AFG2A: variants seen among roughly 807,000 people sequenced by gnomAD.
AFG2A encodes the protein ATPase family gene 2 protein homolog A.
the AFG2A span, among the ~76,000 whole-genome samples, chr4:122,962,834 A>G: frequency 6.6e-6 from 1 of 152,130 alleles, no homozygotes; most frequent in South Asian, 2.1e-4. Flanking sequence ...AACTACTTTC[A>G]CTGCTATACC....
the AFG2A span, among the ~76,000 whole-genome samples, chr4:123,058,034 G>A: frequency 6.6e-6 from 1 of 152,166 alleles, no homozygotes; most frequent in Non-Finnish European, 1.5e-5. Context: ...TAGTAAGTGT[G>A]ATATGAAACA....
chr4:123,290,792 G>T, the AFG2A span, among the ~76,000 whole-genome samples: 1 of 152,218 alleles, frequency 6.6e-6, no homozygotes, highest in South Asian at 2.1e-4. Context: ...ACCTCCCACC[G>T]GGTTCCTCCC....
chr4:123,254,880 C>T, the AFG2A span, among the ~76,000 whole-genome samples: 2 of 152,078 alleles, frequency 1.3e-5, no homozygotes, highest in African/African-American at 4.8e-5. Context: ...TAGAACTATT[C>T]TTTTATTAGA....
At chr4:123,216,640 G>A in the AFG2A span, among the ~76,000 whole-genome samples, 2 of 150,182 alleles carry the variant, frequency 1.3e-5, no homozygotes, top group Non-Finnish European at 3.0e-5. Flanking sequence ...ACTGCTAACA[G>A]AGCCATCACG....
At chr4:123,075,988 C>CAA in the AFG2A span, among the ~76,000 whole-genome samples, 6 of 134,148 alleles carry the variant, frequency 4.5e-5, no homozygotes, top group South Asian at 9.2e-4. Context: ...AAAAAAAAAA[C>CAA]AAAAAAAAAA....
At chr4:123,100,219 A>T in the AFG2A span, among the ~76,000 whole-genome samples, 1 of 151,818 alleles carries the variant, frequency 6.6e-6, no homozygotes, top group African/African-American at 2.4e-5. Context: ...CACGAAATAG[A>T]CCATTTCATT....
At chr4:123,258,999 T>A in the AFG2A span, among the ~76,000 whole-genome samples, 1 of 151,852 alleles carries the variant, frequency 6.6e-6, no homozygotes, top group Non-Finnish European at 1.5e-5. Context: ...CCCAAGTCGC[T>A]GGGATTACAG....
chr4:123,158,272 T>G, the AFG2A span, among the ~76,000 whole-genome samples: 1 of 152,234 alleles, frequency 6.6e-6, no homozygotes, highest in African/African-American at 2.4e-5. Flanking sequence ...CAAGTTGTGC[T>G]CTATTTCTTT....
chr4:123,209,886 C>T, the AFG2A span, among the ~76,000 whole-genome samples: 2 of 152,110 alleles, frequency 1.3e-5, no homozygotes, highest in East Asian at 3.9e-4. Flanking sequence ...TGAGCCTTCA[C>T]CCCACTTCTT....
At chr4:123,108,065 G>C in the AFG2A span, among the ~76,000 whole-genome samples, 1 of 152,112 alleles carries the variant, frequency 6.6e-6, no homozygotes, top group Non-Finnish European at 1.5e-5. Flanking sequence ...CAGGGCTCCT[G>C]CCCGTTCGCA....
At chr4:123,016,538 G>A in the AFG2A span, among the ~76,000 whole-genome samples, 8 of 151,514 alleles carry the variant, frequency 5.3e-5, no homozygotes, top group African/African-American at 1.9e-4. Flanking sequence ...GCTGGGCAGA[G>A]ACGCTCCTCA....
the AFG2A span, among the ~76,000 whole-genome samples, chr4:123,092,482 T>G: frequency 6.6e-6 from 1 of 152,226 alleles, no homozygotes; most frequent in Admixed American, 6.5e-5. Flanking sequence ...TACAGTAAAC[T>G]TAACTGCATT....
At chr4:122,951,602 G>T in the AFG2A span, among the ~76,000 whole-genome samples, 3 of 152,222 alleles carry the variant, frequency 2.0e-5, no homozygotes, top group Admixed American at 6.5e-5. Flanking sequence ...CCGGATGCCT[G>T]TTAACTTCAG....
At chr4:122,997,392 T>C in the AFG2A span, among the ~76,000 whole-genome samples, 1 of 152,194 alleles carries the variant, frequency 6.6e-6, no homozygotes, top group Non-Finnish European at 1.5e-5. Context: ...AATCATAAAA[T>C]ATGTGGCTCT....
At chr4:123,304,556 A>G in the AFG2A span, among the ~76,000 whole-genome samples, 2 of 152,330 alleles carry the variant, frequency 1.3e-5, no homozygotes, top group Non-Finnish European at 2.9e-5. Flanking sequence ...CTGCAGCCCA[A>G]TTAAGCTCAA....
the AFG2A span, among the ~76,000 whole-genome samples, chr4:123,015,787 G>A: frequency 3.3e-4 from 42 of 127,734 alleles, no homozygotes; most frequent in East Asian, 2.3e-3. Flanking sequence ...CTCACCTCCC[G>A]GACCGGGCGG....
the AFG2A span, among the ~76,000 whole-genome samples, chr4:122,964,971 T>A: frequency 2.0e-5 from 3 of 152,160 alleles, no homozygotes; most frequent in African/African-American, 7.2e-5. Flanking sequence ...TAAAACAAAT[T>A]TTTTAGAGTT....
chr4:122,923,089 A>G, the AFG2A span: 1 of 1,607,622 alleles, frequency 6.2e-7, no homozygotes, highest in Non-Finnish European at 8.5e-7. Flanking sequence ...TCTCAGTTGA[A>G]GCGCGCACAT....
At chr4:123,174,222 A>C in the AFG2A span, among the ~76,000 whole-genome samples, 1 of 152,236 alleles carries the variant, frequency 6.6e-6, no homozygotes, top group Non-Finnish European at 1.5e-5. Flanking sequence ...TTCAAAATTC[A>C]CAGCAATTAC....
Sources: gnomAD v4.1 joint callset for allele counts (sites outside exome capture counted in the v4.1 genomes callset) on GRCh38, gnomAD v4.1.1 for gene constraint, MANE v1.5 for transcripts, NCBI Gene and HGNC (gene_info 2026-07-23, HGNC 2026-07-21) for gene names.